PREP: variants seen among roughly 807,000 people sequenced by gnomAD.
PREP encodes prolyl endopeptidase.
Under a neutral mutation model 87.6 loss-of-function variants are expected in PREP, and 29 were observed. That is an observed-to-expected ratio of 0.33 (90% CI 0.25 to 0.45). The LOEUF is 0.45. Among genes scored for constraint, PREP ranks in the 20% least tolerant of loss-of-function variants. The probability of loss-of-function intolerance (pLI) is 1.00; values close to 1 mark genes in which losing one functional copy is unlikely to be tolerated. For missense variants in PREP, 695 were observed against 886.5 expected, an observed-to-expected ratio of 0.78 and a Z score of 2.74; for synonymous variants, 337 against 328.6, an observed-to-expected ratio of 1.03 and a Z score of -0.28.
chr6:105,280,281 G>A (rs1448739697), intron 14 of PREP, among the ~76,000 whole-genome samples: 1 of 152,140 alleles, frequency 6.6e-6, no homozygotes, highest in Non-Finnish European at 1.5e-5. Context: ...CAGCCTGGGT[G>A]ACAGAGCAAG....
At chr6:105,289,464 T>C (rs1346110513) in intron 10 of PREP, among the ~76,000 whole-genome samples, 3 of 152,186 alleles carry the variant, frequency 2.0e-5, no homozygotes, top group Non-Finnish European at 4.4e-5. Flanking sequence ...GCTTAGAAAG[T>C]TGATGAGGAA....
Position 105,323,657 on chromosome 6 carries a change from C to T in PREP, c.1317+8G>A, listed in dbSNP as rs1205303777. 2 of 1,596,172 alleles carry T rather than the reference C, an allele frequency of 1.3e-6. No homozygotes were observed. Among genetic ancestry groups the T allele is most frequent in the Non-Finnish European group, 1.7e-6 (2 of 1,163,736 alleles). On this transcript the variant is annotated splice_region_variant and intron_variant, in intron 10 of 14. Transcript: ENST00000652536. ...ACTCTCACATTAATGAGATCATATT[C>T]TCCATACCTGGACTGTCTGGTAATC...
chr6:105,353,048 T>C lies in PREP; in HGVS notation c.747A>G (p.Leu249=), dbSNP rs760954468. Residue 249 remains leucine, a synonymous_variant, in exon 7 of 15, where the codon TTA becomes TTG. Coordinates refer to ENST00000652536, the MANE Select transcript of PREP (RefSeq NM_002726.5). ...ELSDDGRYVL[L]SIREGCDPVN... is the part of the protein sequence containing the mutation. ...CTGGATCACATCCTTCCCTTATTGATAACAAGACATAGCGGCCATCATCAG... is the reference window on the plus strand; with the variant it reads ...CTGGATCACATCCTTCCCTTATTGACAACAAGACATAGCGGCCATCATCAG... 1.9e-6 allele frequency: 3 copies of C among 1,613,520 alleles called. No individual in the cohort carries two copies. Among genetic ancestry groups the C allele is most frequent in the Non-Finnish European group, 2.5e-6 (3 of 1,179,824 alleles).
chr6:105,277,603 A>ATGAC lies in PREP; in HGVS notation c.*537_*540dup. 1 of 154,256 alleles carries ATGAC rather than the reference A, an allele frequency of 6.5e-6. No individual in the cohort carries two copies. The highest frequency in any genetic ancestry group is 1.9e-4 in the East Asian group (1 of 5,200). 9.6% of individuals were successfully genotyped at this position (154,256 alleles called of 1,614,324 possible). On this transcript the variant is annotated 3_prime_UTR_variant, in exon 15 of 15. Transcript: ENST00000652536. ...TATTTTCAAAGCTAACAAACATTCT[A>ATGAC]TGACTTAACTGCTTGAAAACTAACT...
chr6:105,326,085 T>C (rs928067135), intron 9 of PREP, among the ~76,000 whole-genome samples: 3 of 152,174 alleles, frequency 2.0e-5, no homozygotes, highest in Non-Finnish European at 4.4e-5. Context: ...CCCATGGAGA[T>C]TTTGTTTTAA....
intron 1 of PREP, among the ~76,000 whole-genome samples, chr6:105,401,394 A>G (rs1370753699): frequency 6.6e-6 from 1 of 152,202 alleles, no homozygotes; most frequent in Non-Finnish European, 1.5e-5. Flanking sequence ...TGTCACATGA[A>G]TGAATGAATG....
chr6:105,323,662 T>C lies in PREP; in HGVS notation c.1317+3A>G. The C allele has an allele frequency of 6.2e-7, 1 of 1,601,922 alleles. No individual in the cohort carries two copies. Among genetic ancestry groups the C allele is most frequent in the Non-Finnish European group, 8.6e-7 (1 of 1,168,830 alleles). On this transcript the variant is annotated splice_donor_region_variant and intron_variant, in intron 10 of 14. Coordinates refer to ENST00000652536, the MANE Select transcript of PREP (RefSeq NM_002726.5). ...CACATTAATGAGATCATATTCTCCA[T>C]ACCTGGACTGTCTGGTAATCAGAAG...
chr6:105,374,217 G>C (rs1486578117), intron 4 of PREP, among the ~76,000 whole-genome samples: 1 of 152,186 alleles, frequency 6.6e-6, no homozygotes, highest in Admixed American at 6.5e-5. Flanking sequence ...TCTATAGACT[G>C]TCGTGCCATG....
At position 105,274,098 on chromosome 6, in the gene PREP, G is replaced by A. The variant is rs144530754; in HGVS notation, c.*4046C>T. Among the ~76,000 whole-genome samples, 894 of 152,198 alleles carry A rather than the reference G, an allele frequency of 5.9e-3. 3 individuals are homozygous for A. The highest frequency in any genetic ancestry group is 0.014 in the Middle Eastern group (4 of 294). ...TATTATCTTGTTAATAGACTCGTGG[G>A]TATCTTAGTCTGTTTAAGCTGCTAT... On this transcript the variant is annotated 3_prime_UTR_variant, in exon 15 of 15. Transcript: ENST00000652536.
At chr6:105,282,278 C>T (rs543742701) in intron 13 of PREP, among the ~76,000 whole-genome samples, 173 bp downstream of exon 13, 7 of 152,312 alleles carry the variant, frequency 4.6e-5, no homozygotes, top group South Asian at 4.1e-4. Context: ...AGGGTCTCTT[C>T]GTATGTCATT....
intron 14 of PREP, 117 bp downstream of exon 14, chr6:105,281,629 G>C: frequency 7.8e-7 from 1 of 1,285,812 alleles, no homozygotes; most frequent in Non-Finnish European, 1.1e-6. Context: ...CTCTCCAGCA[G>C]ATTATATGCA....
intron 10 of PREP, among the ~76,000 whole-genome samples, chr6:105,305,263 T>A (rs1770629884): frequency 6.6e-6 from 1 of 152,162 alleles, no homozygotes; most frequent in Non-Finnish European, 1.5e-5. Context: ...AAGGGTGAAC[T>A]ACTAAAGAGA....
intron 2 of PREP, among the ~76,000 whole-genome samples, chr6:105,388,573 C>A (rs986220049): frequency 6.6e-6 from 1 of 152,144 alleles, no homozygotes; most frequent in Admixed American, 6.5e-5. Flanking sequence ...ATTATCCCAT[C>A]CGGAGATCAG....
Position 105,285,561 on chromosome 6 carries a change from C to T in PREP, c.1474G>A (p.Val492Met), listed in dbSNP as rs897658974. The T allele has an allele frequency of 6.2e-7, 1 of 1,614,010 alleles. No homozygotes were observed. Among genetic ancestry groups the T allele is most frequent in the Middle Eastern group, 1.6e-4 (1 of 6,062 alleles). Residue 492 changes from valine (V) to methionine (M), a missense_variant, in exon 12 of 15, where the codon GTG (valine) becomes ATG (methionine). By Grantham distance (21) the Val-to-Met change is conservative. Around this residue, in one of 5 missense-constraint regions of PREP, gnomAD observed 517 missense variants for 620.3 expected, o/e 0.83. Coordinates refer to ENST00000652536, the MANE Select transcript of PREP (RefSeq NM_002726.5). Reference sequence around the variant, plus strand: ...GCCAGGATACCACCCATGTGTCTCACAAAAATAAGCCTGGAAACACTGAGA... The same window carrying T: ...GCCAGGATACCACCCATGTGTCTCATAAAAATAAGCCTGGAAACACTGAGA... ...PNYSVSRLIF[V>M]RHMGGILAVA...
chr6:105,304,132 A>C (rs899595362), intron 10 of PREP, among the ~76,000 whole-genome samples: 4 of 151,648 alleles, frequency 2.6e-5, no homozygotes, highest in African/African-American at 9.8e-5. Flanking sequence ...CCAACAAAAA[A>C]TAATAATACA....
intron 10 of PREP, among the ~76,000 whole-genome samples, chr6:105,289,161 G>GT (rs745366904): frequency 3.2e-4 from 49 of 152,150 alleles, no homozygotes; most frequent in Non-Finnish European, 5.4e-4. Flanking sequence ...TTCACACATC[G>GT]TTTATCCTCT....
chr6:105,380,041 T>A (rs1379408446), intron 2 of PREP, among the ~76,000 whole-genome samples: 1 of 152,232 alleles, frequency 6.6e-6, no homozygotes, highest in Non-Finnish European at 1.5e-5. Flanking sequence ...GACATTACTA[T>A]GGCATCTTCA....
intron 11 of PREP, among the ~76,000 whole-genome samples, chr6:105,286,838 G>A: frequency 3.2e-3 from 1 of 312 alleles, no homozygotes; most frequent in South Asian, 0.056. Flanking sequence ...TAAATGCACT[G>A]GGTTCTGGGA....
At chr6:105,282,928 T>G (rs903348313) in intron 12 of PREP, among the ~76,000 whole-genome samples, 1 of 152,224 alleles carries the variant, frequency 6.6e-6, no homozygotes, top group African/African-American at 2.4e-5. Context: ...TTTGGGAAGC[T>G]GAACTTACAA....
Sources: gnomAD v4.1 joint callset for allele counts (sites outside exome capture counted in the v4.1 genomes callset) on GRCh38, gnomAD v4.1.1 for gene constraint, gnomAD v4.1.1 regional missense constraint, MANE v1.5 for transcripts, NCBI Gene and HGNC (gene_info 2026-07-23, HGNC 2026-07-21) for gene names.